The following DYNC2I2 variants were observed in gnomAD, a reference collection of about 807,000 sequenced individuals.
The protein encoded by DYNC2I2 is dynein 2 intermediate chain 2.
In DYNC2I2, 39 loss-of-function variants were observed where a neutral mutation model predicts 52.0. That is an observed-to-expected ratio of 0.75 (90% CI 0.58 to 0.98). The LOEUF is 0.98. DYNC2I2 is among the 50% of genes least tolerant of loss of function. The probability of loss-of-function intolerance (pLI) is 0.00; values close to 1 mark genes in which losing one functional copy is unlikely to be tolerated. For synonymous variants in DYNC2I2, 359 were observed against 321.1 expected, an observed-to-expected ratio of 1.12 and a Z score of -1.26; for missense variants, 743 against 728.4, an observed-to-expected ratio of 1.02 and a Z score of -0.23.
At chr9:128,672,342 A>G in the DYNC2I2 span, among the ~76,000 whole-genome samples, 3 of 151,986 alleles carry the variant, frequency 2.0e-5, no homozygotes, top group South Asian at 6.2e-4. Flanking sequence ...TGACCTCGTG[A>G]TCCGCCAGGC....
the DYNC2I2 span, among the ~76,000 whole-genome samples, chr9:128,669,496 A>G: frequency 6.6e-6 from 1 of 152,174 alleles, no homozygotes; most frequent in Non-Finnish European, 1.5e-5. Context: ...TCGGGAGTTC[A>G]AGACCAGCAT....
chr9:128,647,665 G>C (rs2132170361), intron 1 of DYNC2I2, among the ~76,000 whole-genome samples: 1 of 147,220 alleles, frequency 6.8e-6, no homozygotes, highest in East Asian at 2.0e-4. Context: ...CCAGAAAGCA[G>C]AGGTTGCAGT....
chr9:128,661,258 C>T (rs1441773558), upstream of DYNC2I2, among the ~76,000 whole-genome samples: 2 of 145,400 alleles, frequency 1.4e-5, no homozygotes, highest in Non-Finnish European at 3.0e-5. Context: ...AGGAGAATTG[C>T]TACCCCACTG....
At chr9:128,646,845 G>T (rs920845874) in intron 1 of DYNC2I2, among the ~76,000 whole-genome samples, 3 of 151,930 alleles carry the variant, frequency 2.0e-5, no homozygotes, top group African/African-American at 7.3e-5. Flanking sequence ...TAGCCAGGTT[G>T]GCTGGGCACA....
Position 128,634,863 on chromosome 9 carries a change from G to C in DYNC2I2, c.1040C>G (p.Pro347Arg). The change falls in exon 7 of 9, where the codon CCT becomes CGT. Residue 347 changes from proline to arginine, a missense_variant. Coordinates refer to ENST00000372715, the MANE Select transcript of DYNC2I2 (RefSeq NM_052844.4). ...ATAVAFSSFD[P>R]RLFILGTEGG... is the part of the protein sequence containing the mutation. Reference sequence around the variant, plus strand: ...TTCCGTGCCCAGAATGAACAGCCTAGGGTCAAAGCTGGAGAAGGCCACTGC... The same window carrying C: ...TTCCGTGCCCAGAATGAACAGCCTACGGTCAAAGCTGGAGAAGGCCACTGC... 2 of 1,613,498 alleles carry C rather than the reference G, an allele frequency of 1.2e-6. No individual in the cohort carries two copies. Among genetic ancestry groups the C allele is most frequent in the Non-Finnish European group, 1.7e-6 (2 of 1,179,974 alleles).
the DYNC2I2 span, among the ~76,000 whole-genome samples, chr9:128,667,991 C>T: frequency 8.9e-5 from 8 of 89,944 alleles, 1 homozygote; most frequent in African/African-American, 2.1e-4. Flanking sequence ...AGATGGAGTC[C>T]CGCTCTGTCA....
the DYNC2I2 span, among the ~76,000 whole-genome samples, chr9:128,669,023 G>A: frequency 6.6e-6 from 1 of 151,980 alleles, no homozygotes; most frequent in South Asian, 2.1e-4. Flanking sequence ...CTGAGGTCAG[G>A]AGTTTGAGAC....
chr9:128,668,234 C>T, the DYNC2I2 span, among the ~76,000 whole-genome samples: 1 of 147,818 alleles, frequency 6.8e-6, no homozygotes, highest in African/African-American at 2.5e-5. Context: ...GCTGGGATTA[C>T]AGGCGTGAGC....
chr9:128,666,971 G>T, the DYNC2I2 span, among the ~76,000 whole-genome samples: 3 of 151,768 alleles, frequency 2.0e-5, no homozygotes, highest in African/African-American at 7.3e-5. Flanking sequence ...GAAGCAGAGG[G>T]GGGTGGATCA....
chr9:128,662,885 G>C, the DYNC2I2 span, among the ~76,000 whole-genome samples: 12 of 150,046 alleles, frequency 8.0e-5, no homozygotes, highest in Non-Finnish European at 8.9e-5. Flanking sequence ...TTGAGACGGA[G>C]TTTCTGCCTC....
chr9:128,656,219 A>C (rs1197204455), intron 1 of DYNC2I2, among the ~76,000 whole-genome samples: 1 of 151,578 alleles, frequency 6.6e-6, no homozygotes, highest in Admixed American at 6.6e-5. Context: ...AAAAAAAAAA[A>C]CACAAAACAA....
the DYNC2I2 span, among the ~76,000 whole-genome samples, chr9:128,671,302 C>CT: frequency 4.1e-3 from 551 of 135,312 alleles, no homozygotes; most frequent in African/African-American, 7.3e-3. Flanking sequence ...CCCTGTCTCT[C>CT]TTTTTTTTTT....
chr9:128,655,077 C>CA lies in DYNC2I2; in HGVS notation c.186+1463dup, dbSNP rs113904111. On this transcript the variant is annotated intron_variant, in intron 1 of 8. Transcript: ENST00000372715. The stretch of plus-strand genomic sequence containing the variant: ...AGCAGGTGCTCAAGCTGAAAGTCCG[C>CA]ACAGACCCCTTGGGAGAGGCCTTGA... Among the ~76,000 whole-genome samples, 1,105 of 152,114 alleles carry CA rather than the reference C, an allele frequency of 7.3e-3. 14 individuals carry two copies. The highest frequency in any genetic ancestry group is 0.025 in the African/African-American group (1,052 of 41,520).
chr9:128,676,375 A>G, the DYNC2I2 span, among the ~76,000 whole-genome samples: 1 of 151,722 alleles, frequency 6.6e-6, no homozygotes. Context: ...CTGTAATCTC[A>G]GCTACTCGGG....
intron 1 of DYNC2I2, among the ~76,000 whole-genome samples, chr9:128,652,548 G>A (rs1168897178): frequency 1.3e-5 from 2 of 150,610 alleles, no homozygotes; most frequent in East Asian, 1.9e-4. Flanking sequence ...GCTTGAACCC[G>A]GGAGGTGTAG....
chr9:128,656,859 C>G (rs1860840628), upstream of DYNC2I2: 1 of 922,132 alleles, frequency 1.1e-6, no homozygotes, highest in Non-Finnish European at 1.5e-6. Flanking sequence ...CCTGCAAGAC[C>G]TGGAAGAAAG....
chr9:128,658,522 C>A (rs141504595), upstream of DYNC2I2, among the ~76,000 whole-genome samples: 212 of 151,446 alleles, frequency 1.4e-3, no homozygotes, highest in African/African-American at 4.6e-3. Context: ...CGTGCAGTGG[C>A]ACTATCTTGG....
chr9:128,645,616 CAAAAAAAAAAAAA>C (rs59742854), intron 1 of DYNC2I2, among the ~76,000 whole-genome samples: 7 of 63,924 alleles, frequency 1.1e-4, no homozygotes, highest in South Asian at 9.3e-4. Flanking sequence ...GACTCCATCT[CAAAAAAAAAAAAA>C]AAAAAAAAAA....
chr9:128,646,910 A>G (rs2132168982), intron 1 of DYNC2I2, among the ~76,000 whole-genome samples: 1 of 152,326 alleles, frequency 6.6e-6, no homozygotes, highest in South Asian at 2.1e-4. Flanking sequence ...GTGGATCACG[A>G]GGACAGGAGT....
Sources: allele counts gnomAD v4.1 joint callset (sites outside exome capture counted in the v4.1 genomes callset), GRCh38; gene constraint gnomAD v4.1.1; transcripts MANE v1.5; gene names NCBI Gene and HGNC (gene_info 2026-07-23, HGNC 2026-07-21).